The following MAST4 variants were observed in gnomAD, a reference collection of about 807,000 sequenced individuals.
MAST4 encodes microtubule associated serine/threonine kinase family member 4.
Under a neutral mutation model 162.7 loss-of-function variants are expected in MAST4, and 89 were observed. That is an observed-to-expected ratio of 0.55 (90% CI 0.46 to 0.65). MAST4 has a LOEUF of 0.65. MAST4 is among the 30% of genes least tolerant of loss of function. The pLI, the probability that MAST4 is intolerant of heterozygous loss-of-function variation, is 0.00. For synonymous variants in MAST4, 1,479 were observed against 1,361.1 expected, an observed-to-expected ratio of 1.09 and a Z score of -1.91; for missense variants, 3,153 against 3,374.0, an observed-to-expected ratio of 0.93 and a Z score of 1.62.
At position 67,167,031 on chromosome 5, in the gene MAST4, C is replaced by A; in HGVS notation, c.7852C>A (p.Pro2618Thr). The A allele has an allele frequency of 1.3e-6, 2 of 1,592,460 alleles. No individual in the cohort carries two copies. The highest frequency in any genetic ancestry group is 1.7e-6 in the Non-Finnish European group (2 of 1,169,270). Residue 2618 changes from proline (P) to threonine (T), a missense_variant, in exon 29 of 29, where the codon CCT becomes ACT. Around this residue, in one of 7 missense-constraint regions of MAST4, gnomAD observed 1,644 missense variants for 1,495.0 expected, o/e 1.10. Transcript: ENST00000403625. Reference protein sequence around the residue: ...RRGKESLRSSPHKKAL With the variant: ...RRGKESLRSSTHKKAL ...GGGGAAAGAGAGTTTGCGTAGCAGCCCTCACAAAAAGGCCTTGTAACGGGG... is the reference window on the plus strand; with the variant it reads ...GGGGAAAGAGAGTTTGCGTAGCAGCACTCACAAAAAGGCCTTGTAACGGGG...
chr5:66,869,212 TA>T (rs1230242544), intron 3 of MAST4, among the ~76,000 whole-genome samples: 1 of 152,224 alleles, frequency 6.6e-6, no homozygotes, highest in African/African-American at 2.4e-5. Flanking sequence ...AAAAAAGGTT[TA>T]AAATCACCTT....
At chr5:66,662,197 A>G (rs117656814) in intron 1 of MAST4, 2 of 151,944 alleles carry the variant, frequency 1.3e-5, no homozygotes, top group Non-Finnish European at 2.9e-5. Context: ...AGTGAATTCT[A>G]TATTATCTGA....
intron 4 of MAST4, among the ~76,000 whole-genome samples, chr5:67,008,217 T>A (rs1752274294): frequency 6.6e-6 from 1 of 152,240 alleles, no homozygotes; most frequent in Non-Finnish European, 1.5e-5. Flanking sequence ...GAAGAGACTT[T>A]ATACGAAAAC....
At chr5:67,139,322 G>A (rs1216282663) in intron 19 of MAST4, among the ~76,000 whole-genome samples, 1 of 152,246 alleles carries the variant, frequency 6.6e-6, no homozygotes, top group Non-Finnish European at 1.5e-5. Context: ...CTGAGAAAAA[G>A]GGTGTGAAGA....
At chr5:66,901,447 T>G (rs1006122938) in intron 4 of MAST4, among the ~76,000 whole-genome samples, 3 of 152,140 alleles carry the variant, frequency 2.0e-5, no homozygotes, top group Non-Finnish European at 4.4e-5. Flanking sequence ...TAATGTTAGC[T>G]GATAGCCATG....
intron 3 of MAST4, among the ~76,000 whole-genome samples, chr5:66,873,539 C>T (rs548931190): frequency 1.7e-4 from 26 of 152,136 alleles, no homozygotes; most frequent in African/African-American, 4.8e-4. Context: ...AAGTGTGTTC[C>T]GATAGAAATG....
intron 2 of MAST4, among the ~76,000 whole-genome samples, chr5:66,775,109 CTCTTTGATGTCTAAA>C (rs1754536602): frequency 6.6e-6 from 1 of 151,708 alleles, no homozygotes; most frequent in Admixed American, 6.6e-5. Flanking sequence ...ATATACTGTA[CTCTTTGATGTCTAAA>C]AGTCTGTGTG....
intron 4 of MAST4, among the ~76,000 whole-genome samples, chr5:67,029,326 A>C (rs1187006599): frequency 6.6e-6 from 1 of 152,142 alleles, no homozygotes; most frequent in African/African-American, 2.4e-5. Context: ...CATGATTTTA[A>C]AAGTGTTTTC....
rs1269229266 is a variant in MAST4, at chr5:67,169,216, A to G, written c.*2165A>G. 2.6e-5 allele frequency: 4 copies of G among 152,194 alleles called. No homozygotes were observed. The highest frequency in any genetic ancestry group is 4.1e-4 in the South Asian group (2 of 4,832). The allele number at this position is 152,194 out of a possible 1,614,324, so 9.4% of individuals were successfully genotyped here. A position where few individuals can be genotyped will look rare whatever the true frequency, so the allele number is the denominator to read the frequency against. On this transcript the variant is annotated 3_prime_UTR_variant, in exon 29 of 29. Transcript: ENST00000403625. Reference sequence around the variant, plus strand: ...ACAACTAGCTATTTGTTTACAAATGATATTTTTATGTATATTTTGTATAGT... The same window carrying G: ...ACAACTAGCTATTTGTTTACAAATGGTATTTTTATGTATATTTTGTATAGT...
At chr5:66,899,086 T>G (rs1762853741) in intron 3 of MAST4, among the ~76,000 whole-genome samples, 1 of 152,244 alleles carries the variant, frequency 6.6e-6, no homozygotes, top group African/African-American at 2.4e-5. Flanking sequence ...ATGCGCTTCA[T>G]TTTGAGTTTA....
chr5:66,837,022 TCA>T (rs1491382946), intron 3 of MAST4, among the ~76,000 whole-genome samples: 2 of 68,446 alleles, frequency 2.9e-5, no homozygotes, highest in African/African-American at 5.8e-5. Context: ...CCATGCAGGA[TCA>T]TGTGTGTGTG....
Position 67,153,545 on chromosome 5 carries a change from C to G in MAST4, c.3613C>G (p.Leu1205Val). The change falls in exon 26 of 29, where the codon CTT (leucine) becomes GTT (valine). Residue 1205 changes from leucine to valine, a missense_variant. Around this residue, in one of 7 missense-constraint regions of MAST4, gnomAD observed 619 missense variants for 744.2 expected, o/e 0.83. Coordinates refer to ENST00000403625, the MANE Select transcript of MAST4 (RefSeq NM_001164664.2). The part of the protein sequence containing the change: ...THINGEPVHG[L>V]VHTEVIELLL... ...CATCAATGGAGAACCAGTGCATGGA[C>G]TTGTCCACACAGAAGTTATAGAACT... 6.3e-7 allele frequency: 1 copy of G among 1,595,654 alleles called. No homozygotes were observed.
At chr5:66,714,753 C>T (rs1018233328) in intron 1 of MAST4, among the ~76,000 whole-genome samples, 1 of 152,182 alleles carries the variant, frequency 6.6e-6, no homozygotes, top group Admixed American at 6.5e-5. Context: ...TGTTGCTTTG[C>T]CGCACACTGA....
chr5:66,773,711 T>A (rs1300083588), intron 2 of MAST4, among the ~76,000 whole-genome samples: 4 of 152,210 alleles, frequency 2.6e-5, no homozygotes, highest in Admixed American at 2.0e-4. Flanking sequence ...CCATTCATTC[T>A]CCTTCTGCCA....
At chr5:66,717,782 T>C (rs1750933886) in intron 1 of MAST4, among the ~76,000 whole-genome samples, 1 of 152,228 alleles carries the variant, frequency 6.6e-6, no homozygotes, top group African/African-American at 2.4e-5. Flanking sequence ...ATCTCCCTTA[T>C]GTTTATATTT....
At chr5:66,807,931 C>G (rs1335078059) in intron 3 of MAST4, among the ~76,000 whole-genome samples, 1 of 152,222 alleles carries the variant, frequency 6.6e-6, no homozygotes, top group African/African-American at 2.4e-5. Context: ...CCTCCCTCTG[C>G]CTTGAGGCTA....
At chr5:67,008,658 C>T (rs907001672) in intron 4 of MAST4, among the ~76,000 whole-genome samples, 2 of 152,162 alleles carry the variant, frequency 1.3e-5, no homozygotes, top group African/African-American at 4.8e-5. Flanking sequence ...AAACCATTTT[C>T]CACGCCGATG....
intron 4 of MAST4, among the ~76,000 whole-genome samples, chr5:67,044,863 A>T (rs1398986420): frequency 6.6e-6 from 1 of 152,046 alleles, no homozygotes; most frequent in Non-Finnish European, 1.5e-5. Context: ...TCCCTCTTTT[A>T]ATTAGACGGA....
At chr5:67,010,977 C>T (rs1415095601) in intron 4 of MAST4, among the ~76,000 whole-genome samples, 9 of 152,142 alleles carry the variant, frequency 5.9e-5, no homozygotes, top group South Asian at 2.1e-4. Context: ...GTGGCTGGCC[C>T]GTCAGCCCTC....
Sources: gnomAD v4.1 joint callset for allele counts (sites outside exome capture counted in the v4.1 genomes callset) on GRCh38, gnomAD v4.1.1 for gene constraint, gnomAD v4.1.1 regional missense constraint, MANE v1.5 for transcripts, NCBI Gene and HGNC (gene_info 2026-07-23, HGNC 2026-07-21) for gene names.